The following MS4A7 variants were observed in gnomAD, a reference collection of about 807,000 sequenced individuals.
MS4A7 encodes membrane-spanning 4-domains subfamily A member 7.
A neutral mutation model predicts 23.5 loss-of-function variants in MS4A7; 21 were observed. That is an observed-to-expected ratio of 0.89 (90% CI 0.63 to 1.29). The LOEUF (loss-of-function observed/expected upper bound fraction) is 1.29, where lower values mean the gene tolerates loss of function less well. MS4A7 is among the 50% of genes most tolerant of loss of function. The pLI is 0.00. For missense variants in MS4A7, 263 were observed against 274.2 expected, an observed-to-expected ratio of 0.96 and a Z score of 0.29; for synonymous variants, 111 against 107.4, an observed-to-expected ratio of 1.03 and a Z score of -0.21.
Position 60,378,654 on chromosome 11 carries a change from T to C in MS4A7, c.-24T>C, listed in dbSNP as rs574696225. 6.6e-6 allele frequency: 1 copy of C among 152,358 alleles called. No homozygotes were observed. Among genetic ancestry groups the C allele is most frequent in the East Asian group, 1.9e-4 (1 of 5,190 alleles). The allele number at this position is 152,358 out of a possible 1,614,324, so 9.4% of individuals were successfully genotyped here. Reference sequence around the variant, plus strand: ...CCAGCCACAGCACACAGGACCAGGCTGCGAGAACAGGTAGACACCTTGGTT... The same window carrying C: ...CCAGCCACAGCACACAGGACCAGGCCGCGAGAACAGGTAGACACCTTGGTT... On this transcript the variant is annotated 5_prime_UTR_variant, in exon 1 of 7. Transcript: ENST00000300184.
chr11:60,383,308 AG>A lies in MS4A7; in HGVS notation c.147+24del, dbSNP rs752283230. On this transcript the variant is annotated intron_variant, in intron 2 of 6. Coordinates refer to ENST00000300184, the MANE Select transcript of MS4A7 (RefSeq NM_021201.5). Reference sequence around the variant, plus strand: ...CTTGGGGTAAGTCCACCTCATTATAAGGGGAATACTGAGAAAATACTTTGTA... The same window carrying A: ...CTTGGGGTAAGTCCACCTCATTATAAGGGAATACTGAGAAAATACTTTGTA... 4 of 1,613,350 alleles carry A rather than the reference AG, an allele frequency of 2.5e-6. No homozygotes were observed. The highest frequency in any genetic ancestry group is 3.4e-6 in the Non-Finnish European group (4 of 1,179,644).
At chr11:60,383,893 A>G (rs370098773) in intron 2 of MS4A7, among the ~76,000 whole-genome samples, 3 of 152,146 alleles carry the variant, frequency 2.0e-5, no homozygotes, top group Admixed American at 6.5e-5. Context: ...CTATTTAACC[A>G]TATGGATTTT....
Position 60,394,455 on chromosome 11 carries a change from A to T in MS4A7, c.*594A>T, listed in dbSNP as rs1193642115. Reference sequence around the variant, plus strand: ...CCATGAATCTTACCATGTAAATCCAAATCTCTGCAATCCTGTGGCACCAAC... The same window carrying T: ...CCATGAATCTTACCATGTAAATCCATATCTCTGCAATCCTGTGGCACCAAC... On this transcript the variant is annotated 3_prime_UTR_variant, in exon 7 of 7. Coordinates refer to ENST00000300184, the MANE Select transcript of MS4A7 (RefSeq NM_021201.5). 6.6e-6 allele frequency: 1 copy of T among 152,542 alleles called. No individual in the cohort carries two copies. The highest frequency in any genetic ancestry group is 1.5e-5 in the Non-Finnish European group (1 of 68,416). The allele number at this position is 152,542 out of a possible 1,614,324, so 9.4% of individuals were successfully genotyped here. A position where few individuals can be genotyped will look rare whatever the true frequency, so the allele number is the denominator to read the frequency against.
chr11:60,386,196 T>C (rs548056027), intron 3 of MS4A7, among the ~76,000 whole-genome samples: 1 of 152,354 alleles, frequency 6.6e-6, no homozygotes, highest in African/African-American at 2.4e-5. Context: ...TACTGATTTC[T>C]GGGGCTTTAT....
In MS4A7 at chr11:60,380,111, G is replaced by A. The variant is rs183194618; in HGVS notation, c.-14+1447G>A. On this transcript the variant is annotated intron_variant, in intron 1 of 6. Coordinates refer to ENST00000300184, the MANE Select transcript of MS4A7 (RefSeq NM_021201.5). ...TTTCACTTGCCATATTGTCTTCAAGGTTCATCCATGTTGTGCCATGTATCA... is the reference window on the plus strand; with the variant it reads ...TTTCACTTGCCATATTGTCTTCAAGATTCATCCATGTTGTGCCATGTATCA... 4.7e-4 allele frequency among the ~76,000 whole-genome samples: 72 copies of A among 152,206 alleles called. No individual in the cohort carries two copies. In the East Asian group the frequency reaches 0.013, roughly 27 times the overall value.
intron 3 of MS4A7, among the ~76,000 whole-genome samples, chr11:60,385,943 A>C (rs1023605609): frequency 2.0e-5 from 3 of 152,236 alleles, no homozygotes; most frequent in African/African-American, 4.8e-5. Context: ...TCCCTGTGTG[A>C]ACACAAACTG....
chr11:60,380,102 G>A (rs1007594141), intron 1 of MS4A7, among the ~76,000 whole-genome samples: 1 of 152,174 alleles, frequency 6.6e-6, no homozygotes, highest in Non-Finnish European at 1.5e-5. Flanking sequence ...TTGCCATATT[G>A]TCTTCAAGGT....
intron 1 of MS4A7, among the ~76,000 whole-genome samples, chr11:60,382,925 T>A (rs1234151981): frequency 6.6e-6 from 1 of 152,250 alleles, no homozygotes; most frequent in Non-Finnish European, 1.5e-5. Context: ...CCCAGTGACA[T>A]GCTTCTTGAC....
rs1221946586 is a variant in MS4A7 at position 60,393,805 on chromosome 11, C to T, written c.667C>T (p.Gln223Ter). The T allele has an allele frequency of 2.5e-6, 4 of 1,610,588 alleles. No homozygotes were observed. The highest frequency in any genetic ancestry group is 2.7e-5 in the African/African-American group (2 of 74,742). The change falls in exon 7 of 7, where the codon CAG becomes TAG. Residue 223 changes from glutamine to a stop codon, truncating the protein, a stop_gained. Coordinates refer to ENST00000300184, the MANE Select transcript of MS4A7 (RefSeq NM_021201.5). LOFTEE classifies it low-confidence loss of function (END_TRUNC). ...NNPGSSFSSTQSQDHIQQVKK... is the reference protein window; with the variant it reads ...NNPGSSFSST The stretch of plus-strand genomic sequence containing the variant: ...TTTCTAGAGTTCATTTTCCTCGACC[C>T]AGTCACAAGATCATATCCAACAGGT...
chr11:60,395,934 G>A lies in MS4A7; in HGVS notation c.*2073G>A, dbSNP rs1419218305. On this transcript the variant is annotated 3_prime_UTR_variant, in exon 7 of 7. Transcript: ENST00000300184. ...TTGTCAAATATACCTCAATAAAGATGGAAAAAAATCGAAATTCAAAGTTAT... is the reference window on the plus strand; with the variant it reads ...TTGTCAAATATACCTCAATAAAGATAGAAAAAAATCGAAATTCAAAGTTAT... 1 of 151,760 alleles carries A rather than the reference G, an allele frequency of 6.6e-6. No homozygotes were observed. Among genetic ancestry groups the A allele is most frequent in the African/African-American group, 2.4e-5 (1 of 41,312 alleles). 9.4% of individuals were successfully genotyped at this position (151,760 alleles called of 1,614,324 possible).
intron 3 of MS4A7, among the ~76,000 whole-genome samples, chr11:60,385,938 G>A (rs1445791680): frequency 4.6e-5 from 7 of 152,220 alleles, no homozygotes; most frequent in African/African-American, 1.7e-4. Context: ...TACAGTCCCT[G>A]TGTGAACACA....
At chr11:60,392,115 T>A (rs2085559407) in intron 5 of MS4A7, among the ~76,000 whole-genome samples, 1 of 152,106 alleles carries the variant, frequency 6.6e-6, no homozygotes, top group Admixed American at 6.6e-5. Context: ...TGAAATGGAA[T>A]TTAGATTTGA....
In MS4A7 at chr11:60,394,162, T is replaced by A. The variant is rs1470941703; in HGVS notation, c.*301T>A. On this transcript the variant is annotated 3_prime_UTR_variant, in exon 7 of 7. Coordinates refer to ENST00000300184, the MANE Select transcript of MS4A7 (RefSeq NM_021201.5). ...AAGGGAAAATGTGCACTCATGCTAG[T>A]GTGAATTTGGTAAGTTGCGTGACTC... The A allele has an allele frequency of 4.3e-6, 1 of 230,824 alleles. No homozygotes were observed. The highest frequency in any genetic ancestry group is 5.6e-5 in the Admixed American group (1 of 17,900). The allele number at this position is 230,824 out of a possible 1,614,324, so 14.3% of individuals were successfully genotyped here. A position where few individuals can be genotyped will look rare whatever the true frequency, so the allele number is the denominator to read the frequency against.
At chr11:60,387,882 C>T (rs2085508900) in intron 4 of MS4A7, among the ~76,000 whole-genome samples, 1 of 152,192 alleles carries the variant, frequency 6.6e-6, no homozygotes, top group Admixed American at 6.5e-5. Flanking sequence ...CCACATTCAC[C>T]ACACCATTTC....
At chr11:60,381,677 T>C (rs1424349892) in intron 1 of MS4A7, among the ~76,000 whole-genome samples, 1 of 152,238 alleles carries the variant, frequency 6.6e-6, no homozygotes, top group Non-Finnish European at 1.5e-5. Flanking sequence ...AAAACTGATA[T>C]GTTTTGGGAG....
In MS4A7 at chr11:60,385,309, G is replaced by A. The variant is rs113834496; in HGVS notation, c.282+87G>A. On this transcript the variant is annotated intron_variant, in intron 3 of 6. Transcript: ENST00000300184. ...CGTGGAGTGACTCAGACTCCAAGAG[G>A]CCAGGAGGCAAAAGGCGGCAAGGCC... is the stretch of plus-strand genomic sequence containing the variant. 7 of 1,508,340 alleles carry A rather than the reference G, an allele frequency of 4.6e-6. No homozygotes were observed. The African/African-American group carries it at 6.9e-5, about 15-fold the overall frequency. 93.4% of individuals were successfully genotyped at this position (1,508,340 alleles called of 1,614,324 possible). A position where few individuals can be genotyped will look rare whatever the true frequency, so the allele number is the denominator to read the frequency against.
rs2085552314 is a variant in MS4A7 at position 60,391,673 on chromosome 11, C to G, written c.547-1012C>G. On this transcript the variant is annotated intron_variant, in intron 5 of 6. Transcript: ENST00000300184. ...GTGGCTCACAACTGTAATTCCAGCA[C>G]ATTGGGAGGCTGAGGCGGGTGGATC... Among the ~76,000 whole-genome samples the G allele has an allele frequency of 2.6e-5, 4 of 152,018 alleles. No individual in the cohort carries two copies. In the South Asian group the frequency reaches 8.3e-4, roughly 32 times the overall value.
rs999102560 is a variant in MS4A7, at chr11:60,395,751, G to T, written c.*1890G>T. The T allele has an allele frequency of 2.8e-4, 42 of 151,860 alleles. No individual in the cohort carries two copies. Among genetic ancestry groups the T allele is most frequent in the African/African-American group, 1.0e-3 (42 of 41,360 alleles). The allele number at this position is 151,860 out of a possible 1,614,324, so 9.4% of individuals were successfully genotyped here. ...TTTTTGTTTAATTTGAAAATGCAAA[G>T]AATTGTTAAATGTTCTTAAATGTTC... On this transcript the variant is annotated 3_prime_UTR_variant, in exon 7 of 7. Coordinates refer to ENST00000300184, the MANE Select transcript of MS4A7 (RefSeq NM_021201.5).
At chr11:60,381,106 T>A (rs1056875656) in intron 1 of MS4A7, among the ~76,000 whole-genome samples, 1 of 152,236 alleles carries the variant, frequency 6.6e-6, no homozygotes, top group African/African-American at 2.4e-5. Context: ...ACGTGCCCAA[T>A]CAATGTTAGC....
Sources: gnomAD v4.1 joint callset for allele counts (sites outside exome capture counted in the v4.1 genomes callset) on GRCh38, gnomAD v4.1.1 for gene constraint, MANE v1.5 for transcripts, NCBI Gene and HGNC (gene_info 2026-07-23, HGNC 2026-07-21) for gene names.